Variants in NPEPPS observed in about 807,000 individuals in gnomAD.
NPEPPS encodes aminopeptidase puromycin sensitive, also known as puromycin-sensitive aminopeptidase.
Under a neutral mutation model 115.5 loss-of-function variants are expected in NPEPPS, and 14 were observed. The observed-to-expected ratio is 0.12, with a 90% CI of 0.08 to 0.19. NPEPPS has a LOEUF of 0.19. NPEPPS is among the 10% of genes least tolerant of loss of function. The pLI is 1.00. For synonymous variants in NPEPPS, 285 were observed against 390.6 expected (o/e 0.73, Z 3.19); for missense variants, 523 against 1,110.8 (o/e 0.47, Z 7.52).
intron 2 of NPEPPS, chr17:47,559,625 G>A (rs1318594671): frequency 8.8e-6 from 4 of 455,450 alleles, no homozygotes; most frequent in South Asian, 6.2e-5. Context: ...CTGGGCTTCA[G>A]ATGTTCAGAA....
intron 2 of NPEPPS, among the ~76,000 whole-genome samples, chr17:47,560,649 G>C (rs1211327201): frequency 6.6e-6 from 1 of 152,118 alleles, no homozygotes; most frequent in Non-Finnish European, 1.5e-5. Flanking sequence ...AGAATGATGT[G>C]TTTTCTTTCC....
intron 2 of NPEPPS, among the ~76,000 whole-genome samples, chr17:47,559,187 A>T (rs1183188521): frequency 2.0e-5 from 3 of 152,064 alleles, no homozygotes; most frequent in Non-Finnish European, 2.9e-5. Context: ...GGAACTACAG[A>T]TATACGCTAC....
chr17:47,586,307 TG>T, intron 7 of NPEPPS, 57 bp from the exon 8 acceptor site: 1 of 1,138,416 alleles, frequency 8.8e-7, no homozygotes, highest in Non-Finnish European at 1.2e-6. Flanking sequence ...TGACTTTTGA[TG>T]CAAGAGTATA....
intron 1 of NPEPPS, among the ~76,000 whole-genome samples, chr17:47,538,080 A>G (rs1908441759): frequency 6.6e-6 from 1 of 150,508 alleles, no homozygotes; most frequent in Admixed American, 6.6e-5. Context: ...TTTAGTAGAG[A>G]CAGGGTTTCA....
chr17:47,599,819 A>C (rs1257935745), intron 14 of NPEPPS, 80 bp downstream of exon 14: 2 of 1,241,640 alleles, frequency 1.6e-6, no homozygotes, highest in African/African-American at 3.2e-5. Flanking sequence ...ACTAATAGGA[A>C]ATTTTTCTTT....
At chr17:47,546,073 T>TGTGTGTGTGTGTGTGTGAGAGAGA (rs148357525) in intron 2 of NPEPPS, 80 bp downstream of exon 2, 1 of 833,926 alleles carries the variant, frequency 1.2e-6, no homozygotes, top group African/African-American at 1.8e-5. Flanking sequence ...TGTGTGTGTG[T>TGTGTGTGTGTGTGTGTGAGAGAGA]GAGAGAGAGA....
At chr17:47,619,929 A>C in intron 22 of NPEPPS, 145 bp downstream of exon 22, 1 of 636,678 alleles carries the variant, frequency 1.6e-6, no homozygotes, top group Non-Finnish European at 2.7e-6. Context: ...TGTATAGGCC[A>C]TATTAAGAAT....
chr17:47,602,637 CAAAAAAAA>C (rs753076891), intron 15 of NPEPPS, among the ~76,000 whole-genome samples: 5 of 51,970 alleles, frequency 9.6e-5, no homozygotes, highest in Non-Finnish European at 2.0e-4. Context: ...GACGCCATCT[CAAAAAAAA>C]AAAAAAAAAA....
intron 2 of NPEPPS, 78 bp downstream of exon 2, chr17:47,546,071 T>TGAGAGA (rs1346012934): frequency 3.8e-5 from 53 of 1,407,700 alleles, no homozygotes; most frequent in African/African-American, 2.0e-4. Context: ...TGTGTGTGTG[T>TGAGAGA]GTGAGAGAGA....
chr17:47,614,934 A>G (rs1914094027), intron 19 of NPEPPS, among the ~76,000 whole-genome samples: 1 of 152,182 alleles, frequency 6.6e-6, no homozygotes. Flanking sequence ...AATGATCATA[A>G]TTGCAGATCT....
chr17:47,583,364 C>G (rs1379469514), intron 5 of NPEPPS, among the ~76,000 whole-genome samples: 2 of 152,146 alleles, frequency 1.3e-5, no homozygotes, highest in South Asian at 2.1e-4. Context: ...GTAGGCAGAT[C>G]GCTTGAGGTC....
chr17:47,584,679 A>G (rs1178870140), intron 5 of NPEPPS, among the ~76,000 whole-genome samples: 3 of 152,212 alleles, frequency 2.0e-5, no homozygotes, highest in African/African-American at 7.2e-5. Context: ...GAGCCTGAAT[A>G]GGAAAAAGAG....
upstream of NPEPPS, among the ~76,000 whole-genome samples, chr17:47,528,521 C>T (rs1205226293): frequency 1.3e-5 from 2 of 152,090 alleles, no homozygotes; most frequent in Non-Finnish European, 2.9e-5. Flanking sequence ...ACTAACCACA[C>T]GTGACTACTG....
intron 17 of NPEPPS, among the ~76,000 whole-genome samples, chr17:47,607,841 A>G (rs1913607728): frequency 1.3e-5 from 2 of 152,184 alleles, no homozygotes; most frequent in South Asian, 4.1e-4. Flanking sequence ...AGACTGCTGT[A>G]GAAACATTTT....
At chr17:47,618,779 A>G (rs1364955801) in intron 20 of NPEPPS, among the ~76,000 whole-genome samples, 1 of 152,222 alleles carries the variant, frequency 6.6e-6, no homozygotes, top group Non-Finnish European at 1.5e-5. Context: ...CTAAGCAAGT[A>G]TCTGTTGAGC....
intron 3 of NPEPPS, among the ~76,000 whole-genome samples, chr17:47,578,835 A>G (rs1356100094): frequency 1.3e-5 from 2 of 152,082 alleles, no homozygotes; most frequent in African/African-American, 2.4e-5. Flanking sequence ...GTAATTGGCT[A>G]CATTTCTCTT....
At chr17:47,556,929 A>G (rs899708448) in intron 2 of NPEPPS, among the ~76,000 whole-genome samples, 1 of 152,188 alleles carries the variant, frequency 6.6e-6, no homozygotes, top group Non-Finnish European at 1.5e-5. Flanking sequence ...GGCATGAGCC[A>G]CTGCACCCAG....
At chr17:47,569,641 G>C in intron 3 of NPEPPS, 147 bp downstream of exon 3, 1 of 583,810 alleles carries the variant, frequency 1.7e-6, no homozygotes, top group East Asian at 3.0e-5. Context: ...CCTTTGAGAC[G>C]GAGTCTTACT....
At chr17:47,581,822 A>G (rs1315128482) in intron 4 of NPEPPS, 1 of 152,162 alleles carries the variant, frequency 6.6e-6, no homozygotes, top group Non-Finnish European at 1.5e-5. Flanking sequence ...CAGCCTCCCG[A>G]GTAGCTGGGA....
Sources: gnomAD v4.1 joint callset for allele counts (sites outside exome capture counted in the v4.1 genomes callset) on GRCh38, gnomAD v4.1.1 for gene constraint, MANE v1.5 for transcripts, NCBI Gene and HGNC (gene_info 2026-07-23, HGNC 2026-07-21) for gene names.